AFF2: variants seen among roughly 807,000 people sequenced by gnomAD.
AFF2 encodes the protein AF4/FMR2 family member 2.
AFF2 carries 14 observed loss-of-function variants against 76.9 expected under a neutral mutation model. The ratio of observed to expected loss-of-function variants is 0.18; its 90% CI spans 0.12 to 0.28. AFF2 has a LOEUF of 0.28. Among genes scored for constraint, AFF2 ranks in the 10% least tolerant of loss-of-function variants. The pLI, the probability that AFF2 is intolerant of heterozygous loss-of-function variation, is 1.00. For missense variants in AFF2, 868 were observed against 1,001.1 expected (o/e 0.87, Z 1.79); for synonymous variants, 398 against 366.7 (o/e 1.09, Z -0.98).
chrX:148,795,835 ATATATATATATATATATATAT>A, intron 3 of AFF2, among the ~76,000 whole-genome samples: 1 of 11,607 alleles, frequency 8.6e-5, no homozygotes, highest in Non-Finnish European at 1.5e-4. Flanking sequence ...AAAAAAAAAT[ATATATATATATATATATATAT>A]ATATATATAT....
intron 7 of AFF2, among the ~76,000 whole-genome samples, chrX:148,849,200 T>C (rs1195850614): frequency 1.8e-5 from 2 of 110,795 alleles, no homozygotes; most frequent in East Asian, 5.7e-4. Context: ...TACATTTCTA[T>C]CACAAAAGCT....
intron 1 of AFF2, among the ~76,000 whole-genome samples, chrX:148,648,746 G>C (rs1262683439): frequency 3.6e-5 from 4 of 110,377 alleles, no homozygotes; most frequent in Non-Finnish European, 7.6e-5. Flanking sequence ...AAGGTAACCT[G>C]GAGAGAGAGA....
chrX:148,725,190 T>C (rs2055141619), intron 3 of AFF2, among the ~76,000 whole-genome samples: 1 of 110,752 alleles, frequency 9.0e-6, no homozygotes, highest in Admixed American at 9.6e-5. Context: ...GTGTGAGGAA[T>C]GGAAAAGTCA....
intron 3 of AFF2, among the ~76,000 whole-genome samples, chrX:148,687,141 A>G (rs782503396): frequency 9.8e-5 from 11 of 111,868 alleles, no homozygotes; most frequent in African/African-American, 3.2e-4. Flanking sequence ...TTGTTGTCAT[A>G]TATGTTGGCA....
intron 4 of AFF2, among the ~76,000 whole-genome samples, chrX:148,833,110 C>T (rs1336995033): frequency 5.4e-5 from 6 of 111,218 alleles, no homozygotes; most frequent in East Asian, 2.8e-4. Flanking sequence ...CACACACACT[C>T]GCACACACAT....
intron 1 of AFF2, among the ~76,000 whole-genome samples, chrX:148,573,538 A>G (rs1428832242): frequency 4.5e-5 from 5 of 111,375 alleles, no homozygotes; most frequent in African/African-American, 1.6e-4. Context: ...TCACATGGAA[A>G]GCACCTTAAA....
rs140911916 is a variant in AFF2, at chrX:148,745,915, G to A, written c.1042-63961G>A. On this transcript the variant is annotated intron_variant, in intron 3 of 20. Coordinates refer to ENST00000370460, the MANE Select transcript of AFF2 (RefSeq NM_002025.4). Reference sequence around the variant, plus strand: ...CTGCCACCACGCCCGGCTAATTTATGTATTTTTAGTAGAGACAGGGTTTTG... The same window carrying A: ...CTGCCACCACGCCCGGCTAATTTATATATTTTTAGTAGAGACAGGGTTTTG... Among the ~76,000 whole-genome samples the A allele has an allele frequency of 6.7e-3, 742 of 110,426 alleles. 7 individuals are homozygous for A. Among genetic ancestry groups the A allele is most frequent in the African/African-American group, 0.023 (701 of 30,276 alleles).
chrX:148,833,131 G>T (rs1557273485), intron 4 of AFF2, among the ~76,000 whole-genome samples: 1 of 111,189 alleles, frequency 9.0e-6, no homozygotes, highest in Non-Finnish European at 1.9e-5. Flanking sequence ...AAACACACAT[G>T]TGTGTTCAAA....
intron 1 of AFF2, among the ~76,000 whole-genome samples, chrX:148,620,885 C>T (rs1557251155): frequency 1.8e-5 from 2 of 112,018 alleles, no homozygotes; most frequent in Non-Finnish European, 3.8e-5. Flanking sequence ...TTTTTCAACT[C>T]TTCTATTTTC....
At chrX:148,538,511 AT>A (rs2052813244) in intron 1 of AFF2, among the ~76,000 whole-genome samples, 1 of 112,839 alleles carries the variant, frequency 8.9e-6, no homozygotes, top group Non-Finnish European at 1.9e-5. Context: ...AGAAATACAG[AT>A]TATGCCTCAG....
At chrX:148,961,101 G>C (rs782221856) in intron 12 of AFF2, among the ~76,000 whole-genome samples, 2 of 112,109 alleles carry the variant, frequency 1.8e-5, no homozygotes, top group Non-Finnish European at 3.8e-5. Flanking sequence ...GGCAGGCATT[G>C]CATGACTGTA....
At chrX:148,681,636 A>T (rs1557259969) in intron 3 of AFF2, among the ~76,000 whole-genome samples, 1 of 107,088 alleles carries the variant, frequency 9.3e-6, no homozygotes, top group East Asian at 2.9e-4. Flanking sequence ...AAAGAAAGAG[A>T]AGAGAAAAAG....
chrX:148,944,215 C>T (rs1277721327), intron 9 of AFF2, among the ~76,000 whole-genome samples: 2 of 111,901 alleles, frequency 1.8e-5, no homozygotes, highest in African/African-American at 6.5e-5. Flanking sequence ...CATCTCCGGG[C>T]CAGCTTTTGG....
At chrX:148,718,117 G>T (rs1204120847) in intron 3 of AFF2, among the ~76,000 whole-genome samples, 1 of 109,797 alleles carries the variant, frequency 9.1e-6, no homozygotes, top group East Asian at 2.9e-4. Flanking sequence ...AGTGAAGAAA[G>T]GTTAAGGTTC....
intron 3 of AFF2, among the ~76,000 whole-genome samples, chrX:148,801,711 G>A (rs2070061005): frequency 9.0e-6 from 1 of 111,462 alleles, no homozygotes; most frequent in African/African-American, 3.3e-5. Flanking sequence ...TGAGTTCTAC[G>A]CATCAAGTAT....
chrX:148,790,821 C>A lies in AFF2; in HGVS notation c.1042-19055C>A, dbSNP rs142450013. Among the ~76,000 whole-genome samples, 18 of 111,687 alleles carry A rather than the reference C, an allele frequency of 1.6e-4. 1 individual carries two copies. In the East Asian group the frequency reaches 5.1e-3, roughly 32 times the overall value. The stretch of plus-strand genomic sequence containing the variant: ...TACCTATGTAACAAACCTGCACATC[C>A]TGAACATGTACCCCAGAACTTAAAA... On this transcript the variant is annotated intron_variant, in intron 3 of 20. Transcript: ENST00000370460.
At chrX:148,743,120 C>A (rs1256163886) in intron 3 of AFF2, among the ~76,000 whole-genome samples, 8 of 111,938 alleles carry the variant, frequency 7.1e-5, no homozygotes, top group African/African-American at 2.6e-4. Context: ...CTAATATTTT[C>A]TTTTCAGCTT....
At chrX:148,703,147 T>C (rs909087930) in intron 3 of AFF2, among the ~76,000 whole-genome samples, 1 of 112,012 alleles carries the variant, frequency 8.9e-6, no homozygotes, top group African/African-American at 3.3e-5. Context: ...CATTTAGACC[T>C]CTCTATCCTA....
chrX:148,989,608 G>A (rs2072512540), intron 20 of AFF2, among the ~76,000 whole-genome samples: 1 of 112,450 alleles, frequency 8.9e-6, no homozygotes, highest in Non-Finnish European at 1.9e-5. Flanking sequence ...TAGCTTTGGG[G>A]ATTCTATTCA....
Sources: allele counts gnomAD v4.1 joint callset (sites outside exome capture counted in the v4.1 genomes callset), GRCh38; gene constraint gnomAD v4.1.1; transcripts MANE v1.5; gene names NCBI Gene and HGNC (gene_info 2026-07-23, HGNC 2026-07-21).